ALOXE3: variants seen among roughly 807,000 people sequenced by gnomAD.
ALOXE3 encodes arachidonate epidermal lipoxygenase 3.
ALOXE3 carries 78 observed loss-of-function variants against 87.5 expected under a neutral mutation model. That is an observed-to-expected ratio of 0.89 (90% CI 0.74 to 1.08). ALOXE3 has a LOEUF of 1.08. Ranked by LOEUF, ALOXE3 falls within the 50% of genes least tolerant of loss-of-function variation. The pLI is 0.00. For missense variants in ALOXE3, 946 were observed against 912.4 expected, an observed-to-expected ratio of 1.04 and a Z score of -0.47; for synonymous variants, 363 against 370.8, an observed-to-expected ratio of 0.98 and a Z score of 0.24.
At chr17:8,114,253 G>A (rs1186434094) in intron 6 of ALOXE3, among the ~76,000 whole-genome samples, 1 of 150,390 alleles carries the variant, frequency 6.6e-6, no homozygotes, top group Non-Finnish European at 1.5e-5. Flanking sequence ...GAGTCTGGGG[G>A]CAGGGAGAGG....
chr17:8,098,519 C>T (rs1051280320), intron 15 of ALOXE3, among the ~76,000 whole-genome samples: 6 of 151,980 alleles, frequency 3.9e-5, no homozygotes, highest in Non-Finnish European at 8.8e-5. Context: ...AGATTACAGG[C>T]GTGAGCCACT....
chr17:8,116,498 G>C (rs1458127576), intron 3 of ALOXE3, among the ~76,000 whole-genome samples: 1 of 152,184 alleles, frequency 6.6e-6, no homozygotes, highest in Non-Finnish European at 1.5e-5. Flanking sequence ...TGCAGAGGGA[G>C]GCTGTGGAAA....
Position 8,109,977 on chromosome 17 carries a change from G to A in ALOXE3, c.1331C>T (p.Thr444Met), listed in dbSNP as rs753562107. 2 of 1,552,384 alleles carry A rather than the reference G, an allele frequency of 1.3e-6. No homozygotes were observed. Among genetic ancestry groups the A allele is most frequent in the Non-Finnish European group, 8.7e-7 (1 of 1,147,442 alleles). The change falls in exon 11 of 16, where the codon ACG (threonine) becomes ATG (methionine). Residue 444 changes from threonine (T) to methionine (M), a missense_variant. Transcript: ENST00000448843. The stretch of plus-strand genomic sequence containing the variant: ...CCTCGCGATGGTGTTCACCTGCAGC[G>A]TGTATCGAGTGTGGGGGAGTAGGAG... ...YKLLLPHTRY[T>M]LQVNTIARAT...
chr17:8,109,334 T>C lies in ALOXE3; in HGVS notation c.1402A>G (p.Ile468Val), dbSNP rs748592926. Residue 468 changes from isoleucine (I) to valine (V), a missense_variant, in exon 12 of 16, where the codon ATC becomes GTC. Coordinates refer to ENST00000448843, the MANE Select transcript of ALOXE3 (RefSeq NM_021628.3). ...PEGLVDQVTSIGRQGLIYLMS... is the reference protein window; with the variant it reads ...PEGLVDQVTSVGRQGLIYLMS... ...AGGTAGATGAGGCCTTGCCTCCCGA[T>C]GGACGTGACCTGAGGACACAGCACA... is the stretch of plus-strand genomic sequence containing the variant. 3 of 1,613,826 alleles carry C rather than the reference T, an allele frequency of 1.9e-6. No individual in the cohort carries two copies. The highest frequency in any genetic ancestry group is 1.1e-5 in the South Asian group (1 of 91,072).
chr17:8,109,798 G>T, intron 11 of ALOXE3, 118 bp downstream of exon 11: 1 of 1,054,456 alleles, frequency 9.5e-7, no homozygotes. Flanking sequence ...TTGTACAGGT[G>T]TTCTCACACC....
chr17:8,110,344 G>C, intron 9 of ALOXE3, 41 bp downstream of exon 9: 1 of 1,609,534 alleles, frequency 6.2e-7, no homozygotes, highest in Non-Finnish European at 8.5e-7. Flanking sequence ...CTGGCGGTTA[G>C]CACCTGAGCC....
rs368452121 is a variant in ALOXE3, at chr17:8,109,278, G to A, written c.1458C>T (p.Tyr486=). 19 of 1,614,066 alleles carry A rather than the reference G, an allele frequency of 1.2e-5. No individual in the cohort carries two copies. Among genetic ancestry groups the A allele is most frequent in the Non-Finnish European group, 1.6e-5 (19 of 1,180,052 alleles). Residue 486 remains tyrosine (Y), a synonymous_variant, in exon 12 of 16, where the codon TAC becomes TAT. Transcript: ENST00000448843. ...LMSTGLAHFT[Y]TNFCLPDSLR... ...GGCTGTCCGGAAGGCAGAAATTGGT[G>A]TAGGTGAAGTGGGCCAGGCCCGTGC...
intron 13 of ALOXE3, among the ~76,000 whole-genome samples, chr17:8,107,737 T>C (rs1421315577): frequency 6.7e-6 from 1 of 149,190 alleles, no homozygotes; most frequent in East Asian, 2.0e-4. Flanking sequence ...AGGCGGAGCT[T>C]GCAGTGAGCA....
chr17:8,110,505 G>C lies in ALOXE3; in HGVS notation c.981C>G (p.Asp327Glu). Residue 327 changes from aspartate (D) to glutamate (E), a missense_variant, in exon 9 of 16, where the codon GAC becomes GAG. Transcript: ENST00000448843. ...TGGGGGCCTCCGCCAGGATCCAGTA[G>C]TCCGCTAGGAAGATGTTCCCCCTCT... is the stretch of plus-strand genomic sequence containing the variant. ...ELERGNIFLA[D>E]YWILAEAPTH... The C allele has an allele frequency of 6.2e-7, 1 of 1,613,970 alleles. No individual in the cohort carries two copies.
chr17:8,117,747 G>A (rs1371941346), intron 2 of ALOXE3, 97 bp downstream of exon 2: 15 of 1,541,464 alleles, frequency 9.7e-6, no homozygotes, highest in Admixed American at 2.0e-5. Context: ...CCGGTATCCT[G>A]AGTTCAGCAG....
intron 8 of ALOXE3, among the ~76,000 whole-genome samples, chr17:8,110,938 G>A (rs915096950): frequency 6.6e-6 from 1 of 152,320 alleles, no homozygotes; most frequent in African/African-American, 2.4e-5. Flanking sequence ...GCCCCAAAAA[G>A]ACTGGGTTAG....
chr17:8,116,374 GC>G (rs1980587909), intron 3 of ALOXE3, among the ~76,000 whole-genome samples: 1 of 152,132 alleles, frequency 6.6e-6, no homozygotes, highest in Non-Finnish European at 1.5e-5. Flanking sequence ...AGGGAATGGG[GC>G]CTCTCCAGCT....
intron 6 of ALOXE3, among the ~76,000 whole-genome samples, chr17:8,113,883 G>A (rs962597983): frequency 1.3e-5 from 2 of 151,788 alleles, no homozygotes; most frequent in Admixed American, 6.6e-5. Context: ...AAAATTAGCC[G>A]GCATGGTGGC....
At position 8,096,856 on chromosome 17, in the gene ALOXE3, G is replaced by C. The variant is rs1258733916; in HGVS notation, c.1957-50C>G. The C allele has an allele frequency of 4.4e-6, 7 of 1,591,406 alleles. No individual in the cohort carries two copies. The South Asian group carries it at 5.5e-5, about 13-fold the overall frequency. ...CAGGATGACATTCAGATGGGATGGG[G>C]AATAACGGAGGACCACATGTAACAG... On this transcript the variant is annotated intron_variant, in intron 15 of 15. Coordinates refer to ENST00000448843, the MANE Select transcript of ALOXE3 (RefSeq NM_021628.3).
intron 3 of ALOXE3, 147 bp downstream of exon 3, chr17:8,116,629 G>C (rs1388728551): frequency 4.1e-6 from 4 of 969,110 alleles, no homozygotes; most frequent in Non-Finnish European, 6.4e-6. Context: ...GGCTTGAGAG[G>C]CTCCCTTTTT....
chr17:8,109,116 C>T, intron 12 of ALOXE3, 58 bp downstream of exon 12: 1 of 1,603,584 alleles, frequency 6.2e-7, no homozygotes. Flanking sequence ...GCAGGGACCA[C>T]AATGTCCCAG....
At position 8,110,484 on chromosome 17, in the gene ALOXE3, G is replaced by A. The variant is rs372295602; in HGVS notation, c.1002C>T (p.Ala334=). The A allele has an allele frequency of 1.2e-5, 20 of 1,613,898 alleles. No individual in the cohort carries two copies. In the African/African-American group the frequency reaches 2.3e-4, roughly 18 times the overall value. Residue 334 remains alanine (A), a synonymous_variant, in exon 9 of 16, where the codon GCC becomes GCT. Transcript: ENST00000448843. ...GGCGGCCGTTTAGGCAGTGGGTGGG[G>A]GCCTCCGCCAGGATCCAGTAGTCCG... is the stretch of plus-strand genomic sequence containing the variant. ...FLADYWILAE[A]PTHCLNGRQQ... is the part of the protein sequence containing the mutation.
intron 6 of ALOXE3, among the ~76,000 whole-genome samples, chr17:8,112,399 G>C (rs536307968): frequency 6.6e-6 from 1 of 152,184 alleles, no homozygotes; most frequent in African/African-American, 2.4e-5. Context: ...CCATCCCTAA[G>C]ACAGGTCATT....
chr17:8,106,732 A>G (rs1979341497), intron 13 of ALOXE3, among the ~76,000 whole-genome samples: 1 of 152,192 alleles, frequency 6.6e-6, no homozygotes, highest in South Asian at 2.1e-4. Context: ...AGGCTGAGAC[A>G]GGAGAATCGC....
Sources: gnomAD v4.1 joint callset for allele counts (sites outside exome capture counted in the v4.1 genomes callset) on GRCh38, gnomAD v4.1.1 for gene constraint, MANE v1.5 for transcripts, NCBI Gene and HGNC (gene_info 2026-07-23, HGNC 2026-07-21) for gene names.